Variants in ECE1 observed in about 807,000 individuals in gnomAD.
ECE1 encodes the protein endothelin converting enzyme 1, also known as endothelin-converting enzyme 1.
ECE1 carries 35 observed loss-of-function variants against 98.6 expected under a neutral mutation model. The ratio of observed to expected loss-of-function variants is 0.35; its 90% CI spans 0.27 to 0.47. ECE1 has a LOEUF of 0.47. ECE1 is among the 20% of genes least tolerant of loss of function. The pLI, the probability that ECE1 is intolerant of heterozygous loss-of-function variation, is 1.00. For missense variants in ECE1, 814 were observed against 1,025.3 expected (o/e 0.79, Z 2.81); for synonymous variants, 394 against 407.1 (o/e 0.97, Z 0.39).
At position 21,256,237 on chromosome 1, in the gene ECE1, G is replaced by T. The variant is rs1175492498; in HGVS notation, c.829-99C>A. ...TGGCCAGCCAAGTCCGGCACAGGGA[G>T]CCAGGGGGCTGCACAGTGCCCCCAA... On this transcript the variant is annotated intron_variant, in intron 7 of 18. Coordinates refer to ENST00000374893, the MANE Select transcript of ECE1 (RefSeq NM_001397.3). 2.9e-6 allele frequency: 4 copies of T among 1,391,016 alleles called. No homozygotes were observed. The Admixed American group carries it at 8.8e-5, about 31-fold the overall frequency. The allele number at this position is 1,391,016 out of a possible 1,614,324, so 86.2% of individuals were successfully genotyped here.
chr1:21,307,764 G>T lies in ECE1; in HGVS notation c.4-17608C>A, dbSNP rs1315356112. Among the ~76,000 whole-genome samples the T allele has an allele frequency of 6.6e-6, 1 of 152,180 alleles. No individual in the cohort carries two copies. Among genetic ancestry groups the T allele is most frequent in the Non-Finnish European group, 1.5e-5 (1 of 68,024 alleles). On this transcript the variant is annotated intron_variant, in intron 1 of 18. Transcript: ENST00000415912. The surrounding 1 kb of genome is among the most constrained non-coding windows in gnomAD (Gnocchi z 4.2). ...ACTGCTCCTAGGGCACTGGGCTCCA[G>T]ACAGAAAATGGGAAGGGACAGATAA...
chr1:21,289,185 C>A (rs1256395879), intron 2 of ECE1, among the ~76,000 whole-genome samples: 5 of 152,192 alleles, frequency 3.3e-5, no homozygotes, highest in Non-Finnish European at 7.4e-5. Context: ...GTCTACCTGG[C>A]AGAAGTCCTC....
At chr1:21,330,301 T>A (rs1639173729) in intron 1 of ECE1, among the ~76,000 whole-genome samples, 1 of 139,126 alleles carries the variant, frequency 7.2e-6, no homozygotes, top group African/African-American at 2.7e-5. Flanking sequence ...AGTGGCATGA[T>A]CTCCACTCAC....
intron 1 of ECE1, among the ~76,000 whole-genome samples, chr1:21,336,168 C>T (rs1041548680): frequency 1.3e-5 from 2 of 152,054 alleles, no homozygotes; most frequent in Admixed American, 1.3e-4. Context: ...ATCACTTGAG[C>T]CCAGGAGTTC....
At chr1:21,323,819 C>CT (rs34050500) in intron 1 of ECE1, among the ~76,000 whole-genome samples, 42,572 of 133,804 alleles carry the variant, frequency 0.32, 6,761 homozygotes, top group East Asian at 0.38. Flanking sequence ...AATTTTCTTT[C>CT]TTTTTTTTTT....
intron 1 of ECE1, among the ~76,000 whole-genome samples, chr1:21,310,748 C>T (rs767435946): frequency 1.4e-4 from 21 of 152,178 alleles, no homozygotes; most frequent in Non-Finnish European, 2.8e-4. Context: ...AGACTCTGGT[C>T]ACCTTGGCTC....
intron 8 of ECE1, among the ~76,000 whole-genome samples, chr1:21,253,544 C>G (rs1427823186): frequency 6.8e-6 from 1 of 147,356 alleles, no homozygotes; most frequent in African/African-American, 2.5e-5. Context: ...GGGCAACTCA[C>G]GAAGACAGGA....
chr1:21,297,187 G>A (rs1360630271), intron 1 of ECE1, among the ~76,000 whole-genome samples: 1 of 152,250 alleles, frequency 6.6e-6, no homozygotes, highest in Non-Finnish European at 1.5e-5. Context: ...ACATGGCCCA[G>A]TGTTGACTCA....
intron 1 of ECE1, among the ~76,000 whole-genome samples, chr1:21,311,103 G>C (rs1259684145): frequency 2.0e-5 from 3 of 152,178 alleles, no homozygotes; most frequent in African/African-American, 7.2e-5. Flanking sequence ...TGAAATGAGA[G>C]AATGTAGACA....
intron 1 of ECE1, among the ~76,000 whole-genome samples, chr1:21,309,272 T>C (rs546286619): frequency 6.6e-6 from 1 of 152,282 alleles, no homozygotes; most frequent in African/African-American, 2.4e-5. Context: ...GGACAGAAAC[T>C]CTGGAGCCAG....
intron 1 of ECE1, chr1:21,298,944 C>A: frequency 2.2e-6 from 1 of 453,966 alleles, no homozygotes; most frequent in Non-Finnish European, 4.4e-6. Context: ...GACTCCAGGG[C>A]TACCCACAGA....
At chr1:21,264,972 A>T (rs1258892602) in intron 4 of ECE1, among the ~76,000 whole-genome samples, 1 of 152,088 alleles carries the variant, frequency 6.6e-6, no homozygotes, top group Non-Finnish European at 1.5e-5. Flanking sequence ...CTGCAGCTAC[A>T]ATCGCCTCTT....
At chr1:21,255,632 G>C (rs775291253) in intron 8 of ECE1, among the ~76,000 whole-genome samples, 2 of 152,322 alleles carry the variant, frequency 1.3e-5, no homozygotes, top group Non-Finnish European at 2.9e-5. Context: ...GGAGAGACTG[G>C]AAAGGCGCTG....
chr1:21,248,014 T>C (rs543477606), intron 8 of ECE1, among the ~76,000 whole-genome samples: 6 of 152,180 alleles, frequency 3.9e-5, no homozygotes, highest in South Asian at 2.1e-4. Context: ...TTCTACATGA[T>C]TGGTAAATTC....
chr1:21,275,661 T>C (rs1416661587), intron 3 of ECE1, among the ~76,000 whole-genome samples: 1 of 152,222 alleles, frequency 6.6e-6, no homozygotes, highest in Non-Finnish European at 1.5e-5. Flanking sequence ...TGCTGGACAT[T>C]GGGCTAGGGA....
intron 12 of ECE1, 102 bp from the exon 13 acceptor site, chr1:21,236,029 A>G: frequency 9.0e-7 from 1 of 1,113,246 alleles, no homozygotes; most frequent in South Asian, 1.2e-5. Context: ...GGGGAACCAG[A>G]GCCAGGCCCT....
chr1:21,290,841 G>A (rs1038656784), upstream of ECE1, among the ~76,000 whole-genome samples: 3 of 152,220 alleles, frequency 2.0e-5, no homozygotes, highest in Non-Finnish European at 4.4e-5. The surrounding 1 kb of genome is among the most constrained non-coding windows in gnomAD (Gnocchi z 7.3). Flanking sequence ...GACAAAAAAG[G>A]TGGGGTAAAA....
intron 1 of ECE1, among the ~76,000 whole-genome samples, chr1:21,315,499 A>C (rs570385355): frequency 6.6e-6 from 1 of 152,308 alleles, no homozygotes; most frequent in Non-Finnish European, 1.5e-5. Context: ...ACTAGGCATT[A>C]AAAGCTGCTC....
Position 21,323,819 on chromosome 1 carries a change from CT to C in ECE1, c.3+21556del, listed in dbSNP as rs34050500. Among the ~76,000 whole-genome samples the C allele has an allele frequency of 4.4e-3, 584 of 133,844 alleles. 2 individuals are homozygous for C. The highest frequency in any genetic ancestry group is 0.031 in the Middle Eastern group (8 of 254). The allele number at this position is 133,844 out of a possible 152,430, so 87.8% of individuals were successfully genotyped here. ...ATGGGAGATGGGGGCAATTTTCTTT[CT>C]TTTTTTTTTTTTTTTGAGACATAGT... On this transcript the variant is annotated intron_variant, in intron 1 of 18. Transcript: ENST00000415912.
Sources: gnomAD v4.1 joint callset for allele counts (sites outside exome capture counted in the v4.1 genomes callset) on GRCh38, gnomAD v4.1.1 for gene constraint, Gnocchi (gnomAD v3.1) non-coding constraint, MANE v1.5 for transcripts, NCBI Gene and HGNC (gene_info 2026-07-23, HGNC 2026-07-21) for gene names.